Variants in ACOT11 observed in about 807,000 individuals in gnomAD.
ACOT11 encodes the protein acyl-CoA thioesterase 11, also known as acyl-coenzyme A thioesterase 11.
ACOT11 carries 69 observed loss-of-function variants against 77.5 expected under a neutral mutation model. That is an observed-to-expected ratio of 0.89 (90% CI 0.73 to 1.09). ACOT11 has a LOEUF of 1.09. ACOT11 is among the 50% of genes least tolerant of loss of function. ACOT11 has a pLI of 0.00. For missense variants in ACOT11, 766 were observed against 813.7 expected, an observed-to-expected ratio of 0.94 and a Z score of 0.71; for synonymous variants, 279 against 313.0, an observed-to-expected ratio of 0.89 and a Z score of 1.15.
intron 1 of ACOT11, among the ~76,000 whole-genome samples, chr1:54,560,594 T>C (rs1653436991): frequency 6.6e-6 from 1 of 152,220 alleles, no homozygotes. Context: ...AGTGGTGCGA[T>C]CATAGCTCAC....
intron 3 of ACOT11, among the ~76,000 whole-genome samples, chr1:54,591,663 C>T (rs1446396418): frequency 2.6e-5 from 4 of 152,238 alleles, no homozygotes; most frequent in Admixed American, 1.3e-4. Context: ...CACCCTCTGC[C>T]CCCTCCATTA....
rs138836165 is a variant in ACOT11, at chr1:54,619,202, TC to T, written c.1629+11135del. The stretch of plus-strand genomic sequence containing the variant: ...TGCCCAGGTTTGAGGACTGTTCCCT[TC>T]ATCTTTTATAGCTACTGCTTTAAAG... On this transcript the variant is annotated intron_variant, in intron 15 of 16. Transcript: ENST00000371316. Among the ~76,000 whole-genome samples, 120 of 152,272 alleles carry T rather than the reference TC, an allele frequency of 7.9e-4. 1 individual carries two copies. The East Asian group carries it at 0.011, about 14-fold the overall frequency.
chr1:54,598,716 C>T (rs1274462729), intron 7 of ACOT11: 1 of 152,106 alleles, frequency 6.6e-6, no homozygotes, highest in African/African-American at 2.4e-5. Context: ...TGGTGCGTGC[C>T]TGTAGTCTCA....
At chr1:54,575,686 A>G (rs979110077) in intron 1 of ACOT11, among the ~76,000 whole-genome samples, 5 of 152,238 alleles carry the variant, frequency 3.3e-5, no homozygotes, top group African/African-American at 7.2e-5. Flanking sequence ...TCTGGTGTCA[A>G]TCAAATTCTC....
Position 54,605,163 on chromosome 1 carries a change from C to T in ACOT11, c.1324C>T (p.Leu442=). ...TGTGGATGCAGCCCAGGCCTTCCTG[C>T]TGCTCTCGGACCTGCGTCAGAGGCC... ...VHVDAAQAFL[L]LSDLRQRPEW... is the part of the protein sequence containing the mutation. The change falls in exon 13 of 16, where the codon CTG becomes TTG. Residue 442 remains leucine, a synonymous_variant. Transcript: ENST00000343744. 1.2e-6 allele frequency: 2 copies of T among 1,613,916 alleles called. No individual in the cohort carries two copies. Among genetic ancestry groups the T allele is most frequent in the Middle Eastern group, 1.6e-4 (1 of 6,062 alleles).
At chr1:54,614,655 C>T (rs1386111025), downstream of ACOT11, 3 of 1,569,266 alleles carry the variant, frequency 1.9e-6, no homozygotes, top group East Asian at 2.3e-5. Context: ...TAGGTGTTGA[C>T]AGAAGAGGGC....
At chr1:54,630,861 T>A (rs748973868) in exon 16 of ACOT11, 1 of 759,216 alleles carries the variant, frequency 1.3e-6, no homozygotes, top group South Asian at 1.4e-5. Context: ...GGAGGACACC[T>A]GAGTACTCTT....
Position 54,602,813 on chromosome 1 carries a change from G to C in ACOT11, c.1085+89G>C. 3 of 1,359,234 alleles carry C rather than the reference G, an allele frequency of 2.2e-6. No individual in the cohort carries two copies. In the South Asian group the frequency reaches 5.0e-5, roughly 22 times the overall value. The allele number at this position is 1,359,234 out of a possible 1,614,324, so 84.2% of individuals were successfully genotyped here. Reference sequence around the variant, plus strand: ...AGGGCACTCGCTTTTCTTCAGAGCTGCCTGTGCGTTGGGCCCTGGGCCGGG... The same window carrying C: ...AGGGCACTCGCTTTTCTTCAGAGCTCCCTGTGCGTTGGGCCCTGGGCCGGG... On this transcript the variant is annotated intron_variant, in intron 10 of 15. Transcript: ENST00000343744.
intron 9 of ACOT11, among the ~76,000 whole-genome samples, chr1:54,602,143 A>G (rs1407901314): frequency 6.6e-6 from 1 of 152,132 alleles, no homozygotes; most frequent in Non-Finnish European, 1.5e-5. Flanking sequence ...AGGACGTTAG[A>G]TGTGGCGGTA....
Position 54,597,366 on chromosome 1 carries a change from G to C in ACOT11, c.715G>C (p.Gly239Arg). The C allele has an allele frequency of 6.2e-7, 1 of 1,613,826 alleles. No homozygotes were observed. The highest frequency in any genetic ancestry group is 8.5e-7 in the Non-Finnish European group (1 of 1,179,976). ...CGCCAATCACCAGGGCAACACCTTT[G>C]GGGGCCAGATCATGGCCTGGATGGA... ...PHANHQGNTF[G>R]GQIMAWMENV... Residue 239 changes from glycine (G) to arginine (R), a missense_variant, in exon 7 of 16, where the codon GGG becomes CGG. Coordinates refer to ENST00000343744, the MANE Select transcript of ACOT11 (RefSeq NM_147161.4).
intron 1 of ACOT11, among the ~76,000 whole-genome samples, chr1:54,565,487 C>A (rs1422715337): frequency 6.6e-6 from 1 of 152,176 alleles, no homozygotes; most frequent in Non-Finnish European, 1.5e-5. Flanking sequence ...CAGAAGGACC[C>A]AGGTCCAGTC....
downstream of ACOT11, chr1:54,611,485 C>T: frequency 1.0e-6 from 1 of 954,510 alleles, no homozygotes; most frequent in Non-Finnish European, 1.6e-6. Flanking sequence ...CAGCCGCCTC[C>T]TGTCCCACCC....
chr1:54,564,904 A>G (rs1224480675), intron 1 of ACOT11, among the ~76,000 whole-genome samples: 1 of 152,128 alleles, frequency 6.6e-6, no homozygotes, highest in Non-Finnish European at 1.5e-5. Flanking sequence ...GGGTGTTAAG[A>G]GATCAGATGT....
chr1:54,582,164 G>T (rs986535854), intron 1 of ACOT11, among the ~76,000 whole-genome samples: 1 of 152,182 alleles, frequency 6.6e-6, no homozygotes, highest in Non-Finnish European at 1.5e-5. Context: ...ATCTCAGCTG[G>T]GTATGCAAAT....
chr1:54,593,961 G>T lies in ACOT11; in HGVS notation c.393G>T (p.Ser131=). 1.2e-6 allele frequency: 2 copies of T among 1,614,120 alleles called. No homozygotes were observed. The highest frequency in any genetic ancestry group is 1.7e-6 in the Non-Finnish European group (2 of 1,179,988). The change falls in exon 5 of 16, where the codon TCG becomes TCT. Residue 131 remains serine (S), a synonymous_variant. Transcript: ENST00000343744. ...SSMEVGIQVA[S]EDLCSEKQWN... ...TCCAGGTGGGCATCCAGGTGGCCTCGGAGGACCTGTGCTCTGAGAAGCAGT... is the reference window on the plus strand; with the variant it reads ...TCCAGGTGGGCATCCAGGTGGCCTCTGAGGACCTGTGCTCTGAGAAGCAGT...
chr1:54,551,716 TTTTTGTTTTTG>T, intron 1 of ACOT11, among the ~76,000 whole-genome samples: 1 of 149,288 alleles, frequency 6.7e-6, no homozygotes, highest in African/African-American at 2.6e-5. Context: ...TTTTGTTTTG[TTTTTGTTTTTG>T]TTTTGTTTTG....
Position 54,602,778 on chromosome 1 carries a change from C to T in ACOT11, c.1085+54C>T, listed in dbSNP as rs576910446. 3.2e-5 allele frequency: 47 copies of T among 1,463,574 alleles called. No homozygotes were observed. The East Asian group carries it at 5.8e-4, about 18-fold the overall frequency. 90.7% of individuals were successfully genotyped at this position (1,463,574 alleles called of 1,614,324 possible). The stretch of plus-strand genomic sequence containing the variant: ...TGTGGATTCGGGGCTGTTCACGCTC[C>T]GCTGACCCCAGGGCACTCGCTTTTC... On this transcript the variant is annotated intron_variant, in intron 10 of 15. Transcript: ENST00000343744.
intron 1 of ACOT11, among the ~76,000 whole-genome samples, chr1:54,562,802 G>C (rs1297203885): frequency 3.2e-5 from 3 of 95,034 alleles, no homozygotes; most frequent in Non-Finnish European, 2.2e-5. Flanking sequence ...CCACATCTCA[G>C]ACGATGGGCG....
At chr1:54,564,801 G>C (rs2100953228) in intron 1 of ACOT11, among the ~76,000 whole-genome samples, 1 of 152,278 alleles carries the variant, frequency 6.6e-6, no homozygotes, top group Non-Finnish European at 1.5e-5. Context: ...AGGGATGTCG[G>C]GGTTGGGGCG....
Sources: gnomAD v4.1 joint callset for allele counts (sites outside exome capture counted in the v4.1 genomes callset) on GRCh38, gnomAD v4.1.1 for gene constraint, MANE v1.5 for transcripts, NCBI Gene and HGNC (gene_info 2026-07-23, HGNC 2026-07-21) for gene names.